TRAK1: variants seen among roughly 807,000 people sequenced by gnomAD.
The protein encoded by TRAK1 is trafficking kinesin-binding protein 1.
In TRAK1, 33 loss-of-function variants were observed where a neutral mutation model predicts 92.1. The observed-to-expected ratio is 0.36, with a 90% CI of 0.27 to 0.48. The LOEUF is 0.48. Among genes scored for constraint, TRAK1 ranks in the 20% least tolerant of loss-of-function variants. TRAK1 has a pLI of 0.99. For missense variants in TRAK1, 1,123 were observed against 1,257.9 expected, an observed-to-expected ratio of 0.89 and a Z score of 1.62; for synonymous variants, 521 against 517.3, an observed-to-expected ratio of 1.01 and a Z score of -0.10.
intron 1 of TRAK1, among the ~76,000 whole-genome samples, chr3:42,053,011 T>A (rs1238326135): frequency 6.6e-6 from 1 of 152,208 alleles, no homozygotes; most frequent in Non-Finnish European, 1.5e-5. Flanking sequence ...ACTGGGCTAC[T>A]CCATTGCCAT....
chr3:42,043,622 G>T (rs974102273), intron 1 of TRAK1, among the ~76,000 whole-genome samples: 3 of 151,984 alleles, frequency 2.0e-5, no homozygotes, highest in Non-Finnish European at 2.9e-5. Flanking sequence ...AGCTGGGGGG[G>T]GGGCGGGGGG....
intron 1 of TRAK1, among the ~76,000 whole-genome samples, chr3:42,092,260 C>T (rs4538349): frequency 0.35 from 52,800 of 151,900 alleles, 9,598 homozygotes; most frequent in South Asian, 0.57. Flanking sequence ...GTTGATGACC[C>T]ATCTGGTTTC....
chr3:42,050,178 T>C (rs772284184), intron 1 of TRAK1, among the ~76,000 whole-genome samples: 32 of 136,800 alleles, frequency 2.3e-4, no homozygotes, highest in Non-Finnish European at 4.3e-4. Flanking sequence ...GGAAGGGAAC[T>C]GAGGGTGGGG....
chr3:42,191,387 C>T (rs1705711102), intron 6 of TRAK1, among the ~76,000 whole-genome samples, 171 bp from the exon 7 acceptor site: 1 of 152,160 alleles, frequency 6.6e-6, no homozygotes, highest in Admixed American at 6.5e-5. Flanking sequence ...CATTATTAAG[C>T]TGGGAATTCA....
Position 42,223,346 on chromosome 3 carries a change from A to T in TRAK1, c.2471A>T (p.Glu824Val), listed in dbSNP as rs1284442443. 1 of 1,614,208 alleles carries T rather than the reference A, an allele frequency of 6.2e-7. No individual in the cohort carries two copies. Among genetic ancestry groups the T allele is most frequent in the East Asian group, 2.2e-5 (1 of 44,874 alleles). The change falls in exon 16 of 16, where the codon GAA (glutamate) becomes GTA (valine). Residue 824 changes from glutamate to valine, a missense_variant. Physicochemically the swap from Glu to Val is moderately radical, Grantham distance 121. Transcript: ENST00000327628. The surrounding 1 kb of genome is among the most constrained non-coding windows in gnomAD (Gnocchi z 6.1). ...PASSILREVR[E>V]KNVRSSESQT... ...AGCTCCATCCTGAGGGAAGTGAGAG[A>T]AAAGAACGTCCGCAGCAGCGAGAGC...
At chr3:42,098,310 T>G (rs931354589) in intron 1 of TRAK1, among the ~76,000 whole-genome samples, 6 of 152,208 alleles carry the variant, frequency 3.9e-5, no homozygotes, top group African/African-American at 1.4e-4. Flanking sequence ...GCTTCTTAAG[T>G]ACAGGCAGCA....
Position 42,183,321 on chromosome 3 carries a change from C to T in TRAK1, c.364-1364C>T, listed in dbSNP as rs905639709. On this transcript the variant is annotated intron_variant, in intron 3 of 15. Coordinates refer to ENST00000327628, the MANE Select transcript of TRAK1 (RefSeq NM_001042646.3). ...CTGTAATCCCAGCATTTTGGGAGGTCGAGGAGGGCGAATCACCTGAGATCA... is the reference window on the plus strand; with the variant it reads ...CTGTAATCCCAGCATTTTGGGAGGTTGAGGAGGGCGAATCACCTGAGATCA... Among the ~76,000 whole-genome samples, 7 of 151,862 alleles carry T rather than the reference C, an allele frequency of 4.6e-5. No homozygotes were observed. The South Asian group carries it at 1.0e-3, about 23-fold the overall frequency.
chr3:42,098,333 G>T (rs1454108258), intron 1 of TRAK1, among the ~76,000 whole-genome samples: 1 of 152,172 alleles, frequency 6.6e-6, no homozygotes, highest in African/African-American at 2.4e-5. Context: ...CACTTCACGG[G>T]TCGTACTGGG....
chr3:42,084,679 C>T (rs1027583749), upstream of TRAK1, among the ~76,000 whole-genome samples: 2 of 152,196 alleles, frequency 1.3e-5, no homozygotes, highest in African/African-American at 4.8e-5. Flanking sequence ...GTTCATCCTG[C>T]TCAGCCCTCT....
At chr3:42,190,974 C>A (rs1705641710) in intron 6 of TRAK1, among the ~76,000 whole-genome samples, 1 of 152,144 alleles carries the variant, frequency 6.6e-6, no homozygotes, top group South Asian at 2.1e-4. Flanking sequence ...TATCATCCCA[C>A]CCTTTTCAGC....
At chr3:42,031,771 T>C (rs977790960) in intron 1 of TRAK1, among the ~76,000 whole-genome samples, 1 of 152,000 alleles carries the variant, frequency 6.6e-6, no homozygotes, top group African/African-American at 2.4e-5. Flanking sequence ...CTTTTAAGAG[T>C]GGGGCTGTCT....
chr3:42,076,361 G>A (rs1704158508), intron 1 of TRAK1, among the ~76,000 whole-genome samples: 1 of 150,810 alleles, frequency 6.6e-6, no homozygotes. Flanking sequence ...GAGTAGCTGG[G>A]TTTACAGGTG....
intron 2 of TRAK1, among the ~76,000 whole-genome samples, chr3:42,153,618 T>TA (rs1042553542): frequency 8.5e-5 from 13 of 152,294 alleles, no homozygotes; most frequent in African/African-American, 2.6e-4. Context: ...AAGTTATTCT[T>TA]ACAGCTTCTT....
intron 14 of TRAK1, chr3:42,210,227 G>C: frequency 6.5e-7 from 1 of 1,532,934 alleles, no homozygotes; most frequent in Non-Finnish European, 8.8e-7. Context: ...GTGGTTCTCT[G>C]TCTGTAGCTT....
intron 1 of TRAK1, among the ~76,000 whole-genome samples, chr3:42,041,243 G>A (rs1334604272): frequency 1.3e-5 from 2 of 151,132 alleles, no homozygotes; most frequent in African/African-American, 2.4e-5. Context: ...TCCAATACCT[G>A]ATCATGGGAT....
intron 1 of TRAK1, among the ~76,000 whole-genome samples, chr3:42,104,998 C>A (rs941513919): frequency 2.7e-5 from 4 of 147,948 alleles, no homozygotes; most frequent in Admixed American, 6.8e-5. Context: ...GTTGCCCAGG[C>A]TGGAGTGCAA....
chr3:42,040,537 G>A (rs544855139), intron 1 of TRAK1, among the ~76,000 whole-genome samples: 6 of 152,212 alleles, frequency 3.9e-5, no homozygotes, highest in South Asian at 2.1e-4. Context: ...AGTACCATTC[G>A]TTGAAAAGAC....
chr3:42,196,718 TTG>T (rs1706708535), intron 10 of TRAK1, among the ~76,000 whole-genome samples: 1 of 151,256 alleles, frequency 6.6e-6, no homozygotes. Flanking sequence ...TTTTTTTTTT[TTG>T]TATTTTTAGT....
At chr3:42,082,102 G>A (rs1023087499) in intron 1 of TRAK1, among the ~76,000 whole-genome samples, 1 of 152,114 alleles carries the variant, frequency 6.6e-6, no homozygotes, top group African/African-American at 2.4e-5. Flanking sequence ...TTTTCAGGAA[G>A]TGCTTATACT....
Sources: allele counts gnomAD v4.1 joint callset (sites outside exome capture counted in the v4.1 genomes callset), GRCh38; gene constraint gnomAD v4.1.1; non-coding constraint Gnocchi (gnomAD v3.1); transcripts MANE v1.5; gene names NCBI Gene and HGNC (gene_info 2026-07-23, HGNC 2026-07-21).